The following DOCK4 variants were observed in gnomAD, a reference collection of about 807,000 sequenced individuals.
DOCK4 encodes the protein dedicator of cytokinesis protein 4.
DOCK4 carries 97 observed loss-of-function variants against 268.1 expected under a neutral mutation model. The observed-to-expected ratio is 0.36, with a 90% confidence interval of 0.31 to 0.43. The LOEUF is 0.43. Ranked by LOEUF, DOCK4 falls within the 20% of genes least tolerant of loss-of-function variation. DOCK4 has a pLI of 1.00. For missense variants in DOCK4, 2,145 were observed against 2,455.7 expected, an observed-to-expected ratio of 0.87 and a Z score of 2.67; for synonymous variants, 954 against 887.2, an observed-to-expected ratio of 1.08 and a Z score of -1.34.
At chr7:112,042,018 A>C (rs1169585393) in intron 1 of DOCK4, among the ~76,000 whole-genome samples, 1 of 152,166 alleles carries the variant, frequency 6.6e-6, no homozygotes, top group Non-Finnish European at 1.5e-5. Context: ...CTAGCTACTC[A>C]GGAGGCTGAG....
chr7:112,018,809 A>G (rs553710723), intron 1 of DOCK4, among the ~76,000 whole-genome samples: 3 of 152,124 alleles, frequency 2.0e-5, no homozygotes, highest in Admixed American at 1.3e-4. Flanking sequence ...CAAATGAGAT[A>G]AATTTTCCAA....
At chr7:111,733,703 T>G (rs1165330904) in intron 51 of DOCK4, among the ~76,000 whole-genome samples, 1 of 152,216 alleles carries the variant, frequency 6.6e-6, no homozygotes, top group Non-Finnish European at 1.5e-5. Flanking sequence ...TTCTCAACTT[T>G]AGGGACACAA....
At position 111,726,534 on chromosome 7, in the gene DOCK4, A is replaced by T. The variant is rs3801792; in HGVS notation, c.*1740T>A. 0.07 allele frequency: 10,688 copies of T among 152,576 alleles called. 396 individuals are homozygous for T. Among genetic ancestry groups the T allele is most frequent in the Middle Eastern group, 0.11 (31 of 294 alleles). 9.5% of individuals were successfully genotyped at this position (152,576 alleles called of 1,614,324 possible). The stretch of plus-strand genomic sequence containing the variant: ...CAAAAGCTAGTTCAAAAAATTTCTG[A>T]CTGCAAAACTTGCAAGATACAAAGC... On this transcript the variant is annotated 3_prime_UTR_variant, in exon 53 of 53. Coordinates refer to ENST00000428084, the MANE Select transcript of DOCK4 (RefSeq NM_001363540.2).
chr7:112,107,771 G>A (rs1016489976), intron 1 of DOCK4, among the ~76,000 whole-genome samples: 1 of 152,176 alleles, frequency 6.6e-6, no homozygotes, highest in Non-Finnish European at 1.5e-5. Context: ...GTTACTCTAG[G>A]CATGACCAAG....
At chr7:112,045,893 A>G (rs1263730106) in intron 1 of DOCK4, among the ~76,000 whole-genome samples, 6 of 152,220 alleles carry the variant, frequency 3.9e-5, no homozygotes, top group Admixed American at 2.6e-4. Context: ...ACCCTCCAAA[A>G]AAGTTTGTTA....
intron 1 of DOCK4, among the ~76,000 whole-genome samples, chr7:112,201,787 T>C (rs759851602): frequency 1.3e-4 from 20 of 152,146 alleles, no homozygotes; most frequent in Admixed American, 3.3e-4. Flanking sequence ...CACTAAAGCA[T>C]GTTCCCCCTG....
intron 1 of DOCK4, among the ~76,000 whole-genome samples, chr7:112,105,606 CTTCTTTCCT>C: frequency 6.7e-6 from 1 of 148,446 alleles, no homozygotes; most frequent in African/African-American, 2.5e-5. Flanking sequence ...TTTCTTCTTT[CTTCTTTCCT>C]TTTTCCTCTT....
chr7:111,727,039 A>G lies in DOCK4; in HGVS notation c.*1235T>C, dbSNP rs746351842. The G allele has an allele frequency of 6.6e-6, 1 of 152,650 alleles. No individual in the cohort carries two copies. The highest frequency in any genetic ancestry group is 1.5e-5 in the Non-Finnish European group (1 of 68,030). The allele number at this position is 152,650 out of a possible 1,614,324, so 9.5% of individuals were successfully genotyped here. Reference sequence around the variant, plus strand: ...AAAATACAGTTCATATCTATTGTCAATTGAGTGTTATAAACAGTCAGTAAA... The same window carrying G: ...AAAATACAGTTCATATCTATTGTCAGTTGAGTGTTATAAACAGTCAGTAAA... On this transcript the variant is annotated 3_prime_UTR_variant, in exon 53 of 53. Coordinates refer to ENST00000428084, the MANE Select transcript of DOCK4 (RefSeq NM_001363540.2).
At chr7:112,136,048 A>AG (rs1814312244) in intron 1 of DOCK4, among the ~76,000 whole-genome samples, 1 of 152,292 alleles carries the variant, frequency 6.6e-6, no homozygotes, top group African/African-American at 2.4e-5. Flanking sequence ...ATGGGTTGAA[A>AG]GGGGAATTAT....
chr7:112,108,574 T>C (rs749553044), intron 1 of DOCK4, among the ~76,000 whole-genome samples: 6 of 152,228 alleles, frequency 3.9e-5, no homozygotes, highest in African/African-American at 9.6e-5. Context: ...CATTTATTTA[T>C]ACTCCTTTAA....
rs750130626 is a variant in DOCK4, at chr7:111,739,162, A to G, written c.5204T>C (p.Ile1735Thr). 3.1e-6 allele frequency: 5 copies of G among 1,613,856 alleles called. No individual in the cohort carries two copies. Among genetic ancestry groups the G allele is most frequent in the Non-Finnish European group, 4.2e-6 (5 of 1,179,852 alleles). ...LSPRERPCSA[I>T]YPTPVEPSQR... ...CGAAGGCTCCACAGGTGTTGGATAGATGGCACTGCATGGTCTCTCTCTTGG... is the reference window on the plus strand; with the variant it reads ...CGAAGGCTCCACAGGTGTTGGATAGGTGGCACTGCATGGTCTCTCTCTTGG... Residue 1735 changes from isoleucine (I) to threonine (T), a missense_variant, in exon 49 of 53, where the codon ATC becomes ACC. By Grantham distance (89) the Ile-to-Thr change is moderately conservative. Coordinates refer to ENST00000428084, the MANE Select transcript of DOCK4 (RefSeq NM_001363540.2).
In DOCK4 at chr7:111,742,037, C is replaced by G. The variant is rs764691925; in HGVS notation, c.4773G>C (p.Val1591=). ...CCTGTATCCCTAAGCTCGACTTCAT[C>G]ACAAAGAATTGGTCAACCAGCTTTT... ...LHKKLVDQFF[V]MKSSLGIQEF... The change falls in exon 45 of 53, where the codon GTG becomes GTC. Residue 1591 remains valine (V), a synonymous_variant. Coordinates refer to ENST00000428084, the MANE Select transcript of DOCK4 (RefSeq NM_001363540.2). The G allele has an allele frequency of 8.7e-6, 14 of 1,605,666 alleles. No individual in the cohort carries two copies. The East Asian group carries it at 3.1e-4, about 36-fold the overall frequency.
chr7:111,941,932 C>T (rs370371343), intron 10 of DOCK4, among the ~76,000 whole-genome samples: 50 of 152,330 alleles, frequency 3.3e-4, no homozygotes, highest in African/African-American at 1.1e-3. Flanking sequence ...CAAACCTCCA[C>T]CTGACTCATG....
chr7:111,863,615 T>C (rs1805737780), intron 22 of DOCK4, 51 bp from the exon 23 acceptor site: 43 of 1,502,646 alleles, frequency 2.9e-5, no homozygotes, highest in Non-Finnish European at 3.8e-5. Flanking sequence ...CCATGAGAAA[T>C]ATGCTGCAAA....
At chr7:111,739,704 A>G (rs1246392623) in intron 47 of DOCK4, 1 of 539,480 alleles carries the variant, frequency 1.9e-6, no homozygotes, top group East Asian at 3.3e-5. Context: ...AGATTCAGCT[A>G]TACACTGTGA....
chr7:112,088,623 A>C (rs965410012), intron 1 of DOCK4, among the ~76,000 whole-genome samples: 3 of 152,130 alleles, frequency 2.0e-5, no homozygotes, highest in African/African-American at 7.2e-5. Flanking sequence ...ACATGTGCTA[A>C]GTCACTTATT....
intron 7 of DOCK4, among the ~76,000 whole-genome samples, chr7:111,983,860 G>GCC (rs375791144): frequency 1.6e-5 from 2 of 128,924 alleles, no homozygotes; most frequent in Admixed American, 7.4e-5. Context: ...GCGCGCGCGC[G>GCC]CGCACACACA....
intron 26 of DOCK4, among the ~76,000 whole-genome samples, chr7:111,832,091 A>C (rs1310466733): frequency 6.6e-6 from 1 of 152,224 alleles, no homozygotes; most frequent in Non-Finnish European, 1.5e-5. Flanking sequence ...ATAAACAAAT[A>C]AACAAAAATA....
chr7:111,829,365 G>A (rs1802636680), intron 26 of DOCK4, among the ~76,000 whole-genome samples: 3 of 152,110 alleles, frequency 2.0e-5, no homozygotes, highest in African/African-American at 7.2e-5. Context: ...AGAATTCCTA[G>A]TTCTCCCAAT....
Sources: allele counts gnomAD v4.1 joint callset (sites outside exome capture counted in the v4.1 genomes callset), GRCh38; gene constraint gnomAD v4.1.1; transcripts MANE v1.5; gene names NCBI Gene and HGNC (gene_info 2026-07-23, HGNC 2026-07-21).